Variants in KHDRBS2 observed in about 807,000 individuals in gnomAD.
KHDRBS2 encodes KH domain-containing, RNA-binding, signal transduction-associated protein 2.
A neutral mutation model predicts 44.3 loss-of-function variants in KHDRBS2; 26 were observed. The ratio of observed to expected loss-of-function variants is 0.59; its 90% CI spans 0.43 to 0.81. KHDRBS2 has a LOEUF of 0.81. KHDRBS2 is among the 40% of genes least tolerant of loss of function. The pLI, the probability that KHDRBS2 is intolerant of heterozygous loss-of-function variation, is 0.00. For missense variants in KHDRBS2, 476 were observed against 433.1 expected (o/e 1.10, Z -0.88); for synonymous variants, 194 against 151.1 (o/e 1.28, Z -2.08).
intron 6 of KHDRBS2, among the ~76,000 whole-genome samples, chr6:61,848,805 A>G (rs1795026534): frequency 6.6e-6 from 1 of 151,240 alleles, no homozygotes; most frequent in African/African-American, 2.4e-5. Context: ...ACTGTAAGCT[A>G]TTTAAAGACA....
chr6:61,598,076 CCCCACCTCCA>C, the KHDRBS2 span, among the ~76,000 whole-genome samples: 2 of 150,510 alleles, frequency 1.3e-5, no homozygotes, highest in Non-Finnish European at 3.0e-5. Context: ...GCAGTGTCTC[CCCCACCTCCA>C]CCCACCCCAC....
At chr6:61,737,898 G>A (rs1270127207) in intron 6 of KHDRBS2, among the ~76,000 whole-genome samples, 4 of 152,038 alleles carry the variant, frequency 2.6e-5, no homozygotes, top group Non-Finnish European at 4.4e-5. Context: ...CCATATTTAC[G>A]TGGTTTTTTT....
At chr6:62,262,273 C>T (rs1838474051) in intron 1 of KHDRBS2, among the ~76,000 whole-genome samples, 1 of 151,686 alleles carries the variant, frequency 6.6e-6, no homozygotes, top group Admixed American at 6.6e-5. Flanking sequence ...TCTGGAAATA[C>T]AACATTCTCT....
At chr6:62,184,940 A>G (rs1476435522) in intron 1 of KHDRBS2, among the ~76,000 whole-genome samples, 1 of 151,898 alleles carries the variant, frequency 6.6e-6, no homozygotes, top group Non-Finnish European at 1.5e-5. Context: ...AGTCCACACT[A>G]ATGCAAAATT....
Position 62,152,078 on chromosome 6 carries a change from G to C in KHDRBS2, c.219+25107C>G, listed in dbSNP as rs1815320994. Among the ~76,000 whole-genome samples, 5 of 152,258 alleles carry C rather than the reference G, an allele frequency of 3.3e-5. No individual in the cohort carries two copies. In the South Asian group the frequency reaches 1.0e-3, roughly 32 times the overall value. ...CTCACACCTGTAACCCCAGCACTTT[G>C]GGAGTCCGAGGCGGGAGGATCACCT... On this transcript the variant is annotated intron_variant, in intron 2 of 8. Transcript: ENST00000281156.
intron 4 of KHDRBS2, among the ~76,000 whole-genome samples, chr6:61,914,433 C>T (rs1408582558): frequency 6.7e-6 from 1 of 150,018 alleles, no homozygotes; most frequent in East Asian, 2.0e-4. Context: ...ACTGCATGTT[C>T]TCACTCATAG....
At chr6:62,157,253 G>C (rs142933509) in intron 2 of KHDRBS2, among the ~76,000 whole-genome samples, 8 of 151,700 alleles carry the variant, frequency 5.3e-5, no homozygotes, top group East Asian at 4.0e-4. Context: ...AACCCAGGAG[G>C]GGGAGGTTGC....
At chr6:62,038,483 T>A (rs1222337422) in intron 3 of KHDRBS2, among the ~76,000 whole-genome samples, 1 of 152,118 alleles carries the variant, frequency 6.6e-6, no homozygotes, top group Non-Finnish European at 1.5e-5. Context: ...TTCAGATATT[T>A]ATGACTGACA....
At chr6:61,936,934 C>T (rs1811132987) in intron 4 of KHDRBS2, among the ~76,000 whole-genome samples, 1 of 151,868 alleles carries the variant, frequency 6.6e-6, no homozygotes, top group Admixed American at 6.6e-5. Context: ...TCTAATTTAT[C>T]CATCTGAAGA....
At chr6:62,263,908 A>G (rs1230249976) in intron 1 of KHDRBS2, among the ~76,000 whole-genome samples, 1 of 151,726 alleles carries the variant, frequency 6.6e-6, no homozygotes, top group East Asian at 1.9e-4. Context: ...TATCATTTTA[A>G]CCTCCAGGAT....
intron 4 of KHDRBS2, among the ~76,000 whole-genome samples, chr6:61,921,571 A>C (rs984773361): frequency 1.3e-5 from 2 of 151,956 alleles, no homozygotes; most frequent in African/African-American, 4.8e-5. Flanking sequence ...ATTCTTTTAG[A>C]AGTTAATATT....
intron 4 of KHDRBS2, among the ~76,000 whole-genome samples, chr6:61,974,496 T>C (rs1772096725): frequency 1.3e-5 from 2 of 152,170 alleles, no homozygotes; most frequent in South Asian, 4.1e-4. Context: ...TATTTTACAA[T>C]TCTAACCTGT....
chr6:61,565,999 G>GTGTC, the KHDRBS2 span, among the ~76,000 whole-genome samples: 1 of 6,922 alleles, frequency 1.4e-4, no homozygotes, highest in African/African-American at 3.7e-4. Context: ...AGAAAATGTG[G>GTGTC]TGTGTGTGTG....
intron 7 of KHDRBS2, among the ~76,000 whole-genome samples, chr6:61,708,878 GTTCCACTTGGA>G (rs1770024474): frequency 1.3e-5 from 2 of 151,658 alleles, no homozygotes; most frequent in African/African-American, 4.8e-5. Context: ...TCCATTCTGG[GTTCCACTTGGA>G]ATACAATCAG....
chr6:61,718,266 A>T (rs1771772990), intron 7 of KHDRBS2, among the ~76,000 whole-genome samples: 1 of 151,630 alleles, frequency 6.6e-6, no homozygotes, highest in Admixed American at 6.6e-5. Context: ...GGGGTTTGAG[A>T]ACCTATTTTT....
At chr6:61,611,370 T>C in the KHDRBS2 span, among the ~76,000 whole-genome samples, 1 of 152,144 alleles carries the variant, frequency 6.6e-6, no homozygotes, top group South Asian at 2.1e-4. Flanking sequence ...AAGAGACACA[T>C]ATGGAGCCAT....
chr6:62,213,836 T>G (rs1481870913), intron 1 of KHDRBS2, among the ~76,000 whole-genome samples: 4 of 115,320 alleles, frequency 3.5e-5, no homozygotes, highest in South Asian at 3.0e-4. Flanking sequence ...ATCACGCCAC[T>G]GCACTCCAGC....
intron 2 of KHDRBS2, among the ~76,000 whole-genome samples, chr6:62,115,508 G>A (rs1438531598): frequency 2.0e-5 from 3 of 152,208 alleles, no homozygotes; most frequent in African/African-American, 7.2e-5. Context: ...TCACCTTGAT[G>A]AACTTAGTTA....
intron 1 of KHDRBS2, among the ~76,000 whole-genome samples, chr6:62,198,524 A>T (rs1309221597): frequency 6.6e-6 from 1 of 152,170 alleles, no homozygotes; most frequent in African/African-American, 2.4e-5. Flanking sequence ...CACCCTCCCA[A>T]GACTAAACCA....
Sources: gnomAD v4.1 joint callset for allele counts (sites outside exome capture counted in the v4.1 genomes callset) on GRCh38, gnomAD v4.1.1 for gene constraint, MANE v1.5 for transcripts, NCBI Gene and HGNC (gene_info 2026-07-23, HGNC 2026-07-21) for gene names.